The following MEMO1 variants were observed in gnomAD, a reference collection of about 807,000 sequenced individuals.
The protein encoded by MEMO1 is protein MEMO1.
Under a neutral mutation model 45.2 loss-of-function variants are expected in MEMO1, and 6 were observed. The ratio of observed to expected loss-of-function variants is 0.13; its 90% CI spans 0.07 to 0.26. The LOEUF is 0.26. Among genes scored for constraint, MEMO1 ranks in the 10% least tolerant of loss-of-function variants. MEMO1 has a pLI of 1.00. For missense variants in MEMO1, 184 were observed against 370.5 expected, an observed-to-expected ratio of 0.50 and a Z score of 4.13; for synonymous variants, 78 against 124.3, an observed-to-expected ratio of 0.63 and a Z score of 2.48.
At chr2:31,987,141 C>T (rs1671358597) in intron 2 of MEMO1, among the ~76,000 whole-genome samples, 1 of 151,834 alleles carries the variant, frequency 6.6e-6, no homozygotes, top group African/African-American at 2.4e-5. Context: ...GCAACTGGGA[C>T]TACAAGTGTG....
At chr2:31,972,177 T>C (rs1222772641) in intron 2 of MEMO1, among the ~76,000 whole-genome samples, 1 of 152,222 alleles carries the variant, frequency 6.6e-6, no homozygotes, top group African/African-American at 2.4e-5. Context: ...AGAGATGGTC[T>C]GGTGGTCTGA....
intron 2 of MEMO1, among the ~76,000 whole-genome samples, chr2:31,978,204 T>C (rs533901729): frequency 1.1e-4 from 16 of 151,986 alleles, no homozygotes; most frequent in Non-Finnish European, 2.2e-4. Context: ...CTGGCCAACA[T>C]GGTCAAACTC....
intron 2 of MEMO1, among the ~76,000 whole-genome samples, chr2:31,988,450 G>A (rs1671539869): frequency 6.6e-6 from 1 of 152,208 alleles, no homozygotes; most frequent in Non-Finnish European, 1.5e-5. Context: ...AGGAGGCTGA[G>A]GCGGGAGAAT....
At chr2:31,952,947 T>C (rs1666998537) in intron 2 of MEMO1, among the ~76,000 whole-genome samples, 1 of 152,238 alleles carries the variant, frequency 6.6e-6, no homozygotes, top group South Asian at 2.1e-4. Flanking sequence ...TTAAATAATA[T>C]TTCCTTGTGT....
chr2:31,999,844 T>C (rs1165698208), intron 2 of MEMO1, among the ~76,000 whole-genome samples: 1 of 151,884 alleles, frequency 6.6e-6, no homozygotes, highest in Non-Finnish European at 1.5e-5. Flanking sequence ...CCCCAGATAA[T>C]GTACAATACA....
chr2:31,963,567 T>A (rs1486818521), intron 2 of MEMO1, among the ~76,000 whole-genome samples: 4 of 152,196 alleles, frequency 2.6e-5, no homozygotes, highest in Admixed American at 1.3e-4. Flanking sequence ...TTTTGGCAGG[T>A]GACGGGGGTG....
chr2:31,911,093 T>C (rs753073176), intron 6 of MEMO1, among the ~76,000 whole-genome samples: 3 of 150,852 alleles, frequency 2.0e-5, no homozygotes, highest in Non-Finnish European at 3.0e-5. Flanking sequence ...GTAAGTAAGG[T>C]AGATATTAAT....
chr2:31,885,623 T>G (rs1676082468), intron 7 of MEMO1, among the ~76,000 whole-genome samples: 1 of 152,234 alleles, frequency 6.6e-6, no homozygotes, highest in Non-Finnish European at 1.5e-5. Flanking sequence ...ACTCTCACTA[T>G]AAGAACAATA....
At chr2:31,913,087 G>A (rs1341331658) in intron 6 of MEMO1, among the ~76,000 whole-genome samples, 1 of 151,734 alleles carries the variant, frequency 6.6e-6, no homozygotes, top group Non-Finnish European at 1.5e-5. Context: ...GACCATTCTG[G>A]CCAACAAGGT....
At chr2:32,002,631 T>A (rs914472020) in intron 2 of MEMO1, among the ~76,000 whole-genome samples, 7 of 152,140 alleles carry the variant, frequency 4.6e-5, no homozygotes, top group African/African-American at 7.2e-5. Flanking sequence ...ACTTAGGTCA[T>A]TGTTTCCACA....
intron 2 of MEMO1, among the ~76,000 whole-genome samples, chr2:31,985,241 G>T (rs188771033): frequency 6.6e-6 from 1 of 152,076 alleles, no homozygotes; most frequent in African/African-American, 2.4e-5. Context: ...ATCTATAAAC[G>T]CTGAAAGTGT....
chr2:31,910,836 TAAATA>T (rs755055801), intron 6 of MEMO1, among the ~76,000 whole-genome samples: 5 of 152,086 alleles, frequency 3.3e-5, no homozygotes, highest in Non-Finnish European at 5.9e-5. Context: ...CACTCCAGCC[TAAATA>T]AGAGTAAGAG....
chr2:31,886,210 A>C (rs1222435534), intron 7 of MEMO1, among the ~76,000 whole-genome samples: 1 of 152,232 alleles, frequency 6.6e-6, no homozygotes, highest in Non-Finnish European at 1.5e-5. Context: ...TTAAGTAGCT[A>C]AATCCACACT....
intron 2 of MEMO1, among the ~76,000 whole-genome samples, chr2:31,959,988 C>T (rs1376441705): frequency 1.3e-5 from 2 of 151,986 alleles, no homozygotes; most frequent in African/African-American, 4.8e-5. Flanking sequence ...TTGGGAGTCC[C>T]AGGAGGGCGG....
chr2:31,903,791 A>T (rs1328921338), intron 6 of MEMO1, among the ~76,000 whole-genome samples: 1 of 152,256 alleles, frequency 6.6e-6, no homozygotes, highest in Non-Finnish European at 1.5e-5. Flanking sequence ...TATACAAATA[A>T]CTGTAAATAT....
At chr2:31,906,387 A>T (rs1302439399) in intron 6 of MEMO1, among the ~76,000 whole-genome samples, 1 of 151,258 alleles carries the variant, frequency 6.6e-6, no homozygotes, top group South Asian at 2.1e-4. Flanking sequence ...GCAATGGCGC[A>T]ATCTTGGCTC....
intron 3 of MEMO1, among the ~76,000 whole-genome samples, chr2:31,937,959 T>C (rs1268017184): frequency 6.6e-6 from 1 of 152,218 alleles, no homozygotes; most frequent in Non-Finnish European, 1.5e-5. Flanking sequence ...CTGGAAGTCA[T>C]GTAGAAAGGC....
chr2:31,888,913 C>T (rs1294713144), intron 7 of MEMO1, among the ~76,000 whole-genome samples: 1 of 152,026 alleles, frequency 6.6e-6, no homozygotes, highest in African/African-American at 2.4e-5. Context: ...GTACGTCTAC[C>T]TTTATTTCTC....
At chr2:31,926,580 G>T (rs1683148276) in intron 4 of MEMO1, among the ~76,000 whole-genome samples, 1 of 152,044 alleles carries the variant, frequency 6.6e-6, no homozygotes, top group Non-Finnish European at 1.5e-5. Flanking sequence ...CAGGCACAGT[G>T]GCTCACGCAT....
Sources: allele counts gnomAD v4.1 joint callset (sites outside exome capture counted in the v4.1 genomes callset), GRCh38; gene constraint gnomAD v4.1.1; transcripts MANE v1.5; gene names NCBI Gene and HGNC (gene_info 2026-07-23, HGNC 2026-07-21).